Variants in IRS2 observed in about 807,000 individuals in gnomAD.
IRS2 encodes the protein insulin receptor substrate 2.
Under a neutral mutation model 70.9 loss-of-function variants are expected in IRS2, and 28 were observed. The ratio of observed to expected loss-of-function variants is 0.39; its 90% CI spans 0.29 to 0.54. The LOEUF (loss-of-function observed/expected upper bound fraction) is 0.54. IRS2 is among the 20% of genes least tolerant of loss of function. The pLI, the probability that IRS2 is intolerant of heterozygous loss-of-function variation, is 0.59. For missense variants in IRS2, 2,081 were observed against 2,024.1 expected (o/e 1.03, Z -0.54); for synonymous variants, 1,217 against 981.9 (o/e 1.24, Z -4.48).
At chr13:109,767,471 T>C (rs1269024604) in intron 1 of IRS2, among the ~76,000 whole-genome samples, 1 of 152,138 alleles carries the variant, frequency 6.6e-6, no homozygotes, top group Non-Finnish European at 1.5e-5. Context: ...TTGGACTGTG[T>C]GGTGATTGAC....
intron 1 of IRS2, among the ~76,000 whole-genome samples, chr13:109,775,951 C>T (rs1279247846): frequency 6.6e-6 from 1 of 152,090 alleles, no homozygotes; most frequent in Non-Finnish European, 1.5e-5. Flanking sequence ...AGATCGAGAC[C>T]AGCCTGGCTA....
intron 1 of IRS2, among the ~76,000 whole-genome samples, chr13:109,764,181 C>T (rs1245965854): frequency 6.6e-6 from 1 of 152,218 alleles, no homozygotes; most frequent in African/African-American, 2.4e-5. Context: ...ACATCCTGCT[C>T]TTCCCTGGGA....
rs367981041 is a variant in IRS2, at chr13:109,785,101, C to T, written c.953G>A (p.Ser318Asn). ...SSGSSATHPI[S>N]VPGARRHHHL... ...GTGGTGGCGGCGCGCGCCGGGGACG[C>T]TGATGGGGTGCGTGGCCGACGACCC... The change falls in exon 1 of 2, where the codon AGC becomes AAC. Residue 318 changes from serine (S) to asparagine (N), a missense_variant. Coordinates refer to ENST00000375856, the MANE Select transcript of IRS2 (RefSeq NM_003749.3). This position sits in a 1 kb window ranked among gnomAD's most constrained non-coding sequence, Gnocchi z 9.3. 10 of 1,589,402 alleles carry T rather than the reference C, an allele frequency of 6.3e-6. No homozygotes were observed. Among genetic ancestry groups the T allele is most frequent in the Admixed American group, 1.8e-5 (1 of 57,000 alleles).
rs1396053058 is a variant in IRS2 at position 109,784,835 on chromosome 13, C to A, written c.1219G>T (p.Gly407Cys). 3.2e-6 allele frequency: 4 copies of A among 1,249,474 alleles called. No individual in the cohort carries two copies. Among genetic ancestry groups the A allele is most frequent in the Non-Finnish European group, 4.1e-6 (4 of 987,590 alleles). 77.4% of individuals were successfully genotyped at this position (1,249,474 alleles called of 1,614,324 possible). Reference protein sequence around the residue: ...APLSRSHTLSGGCGGRGSKVA... With the variant: ...APLSRSHTLSCGCGGRGSKVA... ...TTGCTCCCGCGGCCGCCGCAGCCGC[C>A]GCTCAGGGTGTGCGAGCGGCTCAGG... Residue 407 changes from glycine (G) to cysteine (C), a missense_variant, in exon 1 of 2, where the codon GGC (glycine) becomes TGC (cysteine). By Grantham distance (159) the Gly-to-Cys change is radical (BLOSUM62 -3). This residue lies in a region of IRS2 where 1,615 missense variants were observed against 1,459.5 expected (regional missense o/e 1.11). Coordinates refer to ENST00000375856, the MANE Select transcript of IRS2 (RefSeq NM_003749.3). The surrounding 1 kb of genome is among the most constrained non-coding windows in gnomAD (Gnocchi z 5.2).
intron 1 of IRS2, among the ~76,000 whole-genome samples, chr13:109,772,714 A>C (rs1877480868): frequency 1.5e-5 from 2 of 131,842 alleles, no homozygotes; most frequent in Non-Finnish European, 3.2e-5. Flanking sequence ...TTTGAGACGG[A>C]GTCTCGCTCT....
At position 109,783,517 on chromosome 13, in the gene IRS2, C is replaced by T; in HGVS notation, c.2537G>A (p.Gly846Glu). The T allele has an allele frequency of 6.5e-7, 1 of 1,548,012 alleles. No individual in the cohort carries two copies. Among genetic ancestry groups the T allele is most frequent in the Non-Finnish European group, 8.7e-7 (1 of 1,146,292 alleles). The change falls in exon 1 of 2, where the codon GGG (glycine) becomes GAG (glutamate). Residue 846 changes from glycine (G) to glutamate (E), a missense_variant. Gly to Glu is a moderately conservative substitution (Grantham distance 98). Coordinates refer to ENST00000375856, the MANE Select transcript of IRS2 (RefSeq NM_003749.3). Reference sequence around the variant, plus strand: ...GAAGGCGCTGGCCGCCTGGCTGGGCCCTGGCGTGGCCTGAGGCTCCAGACG... The same window carrying T: ...GAAGGCGCTGGCCGCCTGGCTGGGCTCTGGCGTGGCCTGAGGCTCCAGACG... The part of the protein sequence containing the change: ...EERLEPQATP[G>E]PSQAASAFGA...
chr13:109,761,135 G>A (rs1192133130), intron 1 of IRS2, among the ~76,000 whole-genome samples: 1 of 152,166 alleles, frequency 6.6e-6, no homozygotes, highest in African/African-American at 2.4e-5. Context: ...TCTGCCCAGG[G>A]AGGCCCCGGT....
chr13:109,773,169 A>AT (rs1421699757), intron 1 of IRS2, among the ~76,000 whole-genome samples: 2 of 152,004 alleles, frequency 1.3e-5, no homozygotes, highest in East Asian at 1.9e-4. Context: ...CAGCTAAATG[A>AT]TTTTTTTCCT....
intron 1 of IRS2, among the ~76,000 whole-genome samples, chr13:109,769,617 G>T (rs1003058976): frequency 6.6e-6 from 1 of 152,092 alleles, no homozygotes; most frequent in Non-Finnish European, 1.5e-5. Context: ...TTCATTGCTA[G>T]AGCATTTCAC....
intron 1 of IRS2, among the ~76,000 whole-genome samples, chr13:109,775,021 T>C (rs767098237): frequency 6.6e-6 from 1 of 152,176 alleles, no homozygotes; most frequent in Non-Finnish European, 1.5e-5. Context: ...AGGCCAAAGA[T>C]TGACTTATTT....
At chr13:109,757,178 T>C (rs1210364495) in intron 1 of IRS2, among the ~76,000 whole-genome samples, 1 of 152,160 alleles carries the variant, frequency 6.6e-6, no homozygotes, top group African/African-American at 2.4e-5. Flanking sequence ...ACAGAACAAA[T>C]TGGAAGATTT....
rs891661917 is a variant in IRS2, at chr13:109,753,502, A to G, written c.*2802T>C. The G allele has an allele frequency of 1.3e-5, 2 of 152,416 alleles. No individual in the cohort carries two copies. The highest frequency in any genetic ancestry group is 2.4e-5 in the African/African-American group (1 of 41,464). The allele number at this position is 152,416 out of a possible 1,614,324, so 9.4% of individuals were successfully genotyped here. ...TTTGTACCTCGGGCTCCTCCTCTGT[A>G]GAATGAGGATGACAATTCTTACCTC... On this transcript the variant is annotated 3_prime_UTR_variant, in exon 2 of 2. Transcript: ENST00000375856.
chr13:109,756,452 C>A, intron 1 of IRS2, 144 bp from the exon 2 acceptor site: 1 of 727,444 alleles, frequency 1.4e-6, no homozygotes, highest in South Asian at 1.5e-5. Context: ...AACATGTATT[C>A]ATTCTGTTTT....
At chr13:109,765,422 C>A (rs1158417422) in intron 1 of IRS2, among the ~76,000 whole-genome samples, 2 of 151,816 alleles carry the variant, frequency 1.3e-5, no homozygotes, top group South Asian at 2.1e-4. Flanking sequence ...ATGTAGATAT[C>A]CCAGCCTCAA....
chr13:109,779,661 T>A (rs887217455), intron 1 of IRS2, among the ~76,000 whole-genome samples: 6 of 152,214 alleles, frequency 3.9e-5, no homozygotes, highest in African/African-American at 7.2e-5. Context: ...TCTTTTTTTT[T>A]AAATGTCGTT....
Position 109,783,235 on chromosome 13 carries a change from G to C in IRS2, c.2819C>G (p.Ala940Gly). ...GAGCGAGGAGGACGAGGCCGCCGAC[G>C]CCAGCAGGGGAGGCGCGGGCGGCGA... is the stretch of plus-strand genomic sequence containing the variant. ...RLSPPAPPLL[A>G]SAASSSSLLS... The change falls in exon 1 of 2, where the codon GCG becomes GGG. Residue 940 changes from alanine to glycine, a missense_variant. Coordinates refer to ENST00000375856, the MANE Select transcript of IRS2 (RefSeq NM_003749.3). 6.9e-7 allele frequency: 1 copy of C among 1,455,522 alleles called. No individual in the cohort carries two copies. Among genetic ancestry groups the C allele is most frequent in the South Asian group, 1.3e-5 (1 of 75,310 alleles). 90.2% of individuals were successfully genotyped at this position (1,455,522 alleles called of 1,614,324 possible). A position where few individuals can be genotyped will look rare whatever the true frequency, so the allele number is the denominator to read the frequency against.
chr13:109,782,439 T>C lies in IRS2; in HGVS notation c.3615A>G (p.Arg1205=). The C allele has an allele frequency of 4.4e-6, 7 of 1,587,176 alleles. No individual in the cohort carries two copies. In the East Asian group the frequency reaches 9.2e-5, roughly 21 times the overall value. The change falls in exon 1 of 2, where the codon CGA becomes CGG. Residue 1205 remains arginine (R), a synonymous_variant. Transcript: ENST00000375856. The part of the protein sequence containing the change: ...GGGDEPPTSP[R]QLQPAPPLAP... Reference sequence around the variant, plus strand: ...CCAAAGGGGGCGCCGGCTGCAACTGTCGTGGGGAGGTGGGCGGCTCGTCGC... The same window carrying C: ...CCAAAGGGGGCGCCGGCTGCAACTGCCGTGGGGAGGTGGGCGGCTCGTCGC...
Position 109,785,867 on chromosome 13 carries a change from C to G in IRS2, c.187G>C (p.Gly63Arg). The change falls in exon 1 of 2, where the codon GGC becomes CGC. Residue 63 changes from glycine to arginine, a missense_variant. Gly to Arg is a moderately radical substitution (Grantham distance 125, BLOSUM62 -2). Transcript: ENST00000375856. The surrounding 1 kb of genome is among the most constrained non-coding windows in gnomAD (Gnocchi z 9.3). ...GGCGGTTGCGGCGCCGACCCCCCGC[C>G]CGCCGTCGCCTCGTCGCCGCCCGCG... Reference protein sequence around the residue: ...PGAGGDEATAGGGSAPQPPRL... With the variant: ...PGAGGDEATARGGSAPQPPRL... 1 of 1,510,898 alleles carries G rather than the reference C, an allele frequency of 6.6e-7. No individual in the cohort carries two copies. Among genetic ancestry groups the G allele is most frequent in the Non-Finnish European group, 8.8e-7 (1 of 1,134,368 alleles). The allele number at this position is 1,510,898 out of a possible 1,614,324, so 93.6% of individuals were successfully genotyped here.
Position 109,774,195 on chromosome 13 carries a change from A to G in IRS2, c.4012+7847T>C, listed in dbSNP as rs139259092. Reference sequence around the variant, plus strand: ...AGTATCATATACAGTTTGCTTTACCAAGAGGTAATGAAAGACAGCCAGAGC... The same window carrying G: ...AGTATCATATACAGTTTGCTTTACCGAGAGGTAATGAAAGACAGCCAGAGC... On this transcript the variant is annotated intron_variant, in intron 1 of 1. Transcript: ENST00000375856. 6.8e-4 allele frequency among the ~76,000 whole-genome samples: 103 copies of G among 152,292 alleles called. No homozygotes were observed. In the East Asian group the frequency reaches 8.3e-3, roughly 12 times the overall value.
Sources: allele counts gnomAD v4.1 joint callset (sites outside exome capture counted in the v4.1 genomes callset), GRCh38; gene constraint gnomAD v4.1.1; regional missense constraint gnomAD v4.1.1; non-coding constraint Gnocchi (gnomAD v3.1); transcripts MANE v1.5; gene names NCBI Gene and HGNC (gene_info 2026-07-23, HGNC 2026-07-21).